NRXN1: variants seen among roughly 807,000 people sequenced by gnomAD.
NRXN1 encodes neurexin-1.
A neutral mutation model predicts 150.9 loss-of-function variants in NRXN1; 39 were observed. That is an observed-to-expected ratio of 0.26 (90% CI 0.20 to 0.34). The LOEUF (loss-of-function observed/expected upper bound fraction) is 0.34. NRXN1 is among the 10% of genes least tolerant of loss of function. The probability of loss-of-function intolerance (pLI) is 1.00; values close to 1 mark genes in which losing one functional copy is unlikely to be tolerated. For missense variants in NRXN1, 1,815 were observed against 1,949.9 expected (o/e 0.93, Z 1.30); for synonymous variants, 924 against 757.0 (o/e 1.22, Z -3.62).
At chr2:50,839,741 T>C (rs1672610903) in intron 5 of NRXN1, among the ~76,000 whole-genome samples, 1 of 152,132 alleles carries the variant, frequency 6.6e-6, no homozygotes, top group South Asian at 2.1e-4. Flanking sequence ...TGCTTGTCAT[T>C]ATTGAGCTTA....
chr2:50,365,084 G>A (rs140551753), intron 17 of NRXN1, among the ~76,000 whole-genome samples: 48 of 152,120 alleles, frequency 3.2e-4, no homozygotes, highest in African/African-American at 1.2e-3. Context: ...GCTTAACAGG[G>A]AAGAATTTGA....
chr2:49,964,498 T>G (rs770042096), intron 21 of NRXN1, among the ~76,000 whole-genome samples: 1 of 151,834 alleles, frequency 6.6e-6, no homozygotes, highest in Non-Finnish European at 1.5e-5. Context: ...GAAAATTGCT[T>G]GAACTAGGGA....
intron 21 of NRXN1, among the ~76,000 whole-genome samples, chr2:49,977,647 A>G (rs371883216): frequency 9.8e-5 from 15 of 152,332 alleles, no homozygotes; most frequent in East Asian, 5.8e-4. Flanking sequence ...GCAAGTGAGG[A>G]TGAAGAGATG....
chr2:50,317,330 A>C (rs2075690378), intron 17 of NRXN1, among the ~76,000 whole-genome samples: 1 of 151,936 alleles, frequency 6.6e-6, no homozygotes, highest in Admixed American at 6.6e-5. Context: ...CATGAGCAAG[A>C]AATAATTGAA....
intron 15 of NRXN1, among the ~76,000 whole-genome samples, chr2:50,482,587 A>T (rs905734998): frequency 1.3e-5 from 2 of 152,132 alleles, no homozygotes; most frequent in Non-Finnish European, 2.9e-5. Context: ...GCTGTACCTT[A>T]CACATGCATA....
At chr2:50,249,927 C>A (rs986356312) in intron 17 of NRXN1, among the ~76,000 whole-genome samples, 1 of 152,074 alleles carries the variant, frequency 6.6e-6, no homozygotes, top group South Asian at 2.1e-4. Flanking sequence ...CGTGAGCCAC[C>A]GTGCCTGGCC....
chr2:50,215,713 T>C (rs1381998844), intron 18 of NRXN1, among the ~76,000 whole-genome samples: 2 of 151,996 alleles, frequency 1.3e-5, no homozygotes, highest in Non-Finnish European at 2.9e-5. Flanking sequence ...TAAGACATCA[T>C]GATATTAATA....
At chr2:50,459,938 C>T (rs1190585230) in intron 17 of NRXN1, among the ~76,000 whole-genome samples, 1 of 151,984 alleles carries the variant, frequency 6.6e-6, no homozygotes, top group Non-Finnish European at 1.5e-5. Flanking sequence ...TGTTGTGTTG[C>T]TACAGATGGA....
chr2:50,730,677 T>TC (rs1697985564), intron 5 of NRXN1, among the ~76,000 whole-genome samples: 1 of 144,846 alleles, frequency 6.9e-6, no homozygotes, highest in African/African-American at 2.5e-5. Context: ...GTTTTCTTTT[T>TC]TTTTTTTTTT....
chr2:50,910,317 A>G (rs1211958420), intron 5 of NRXN1, among the ~76,000 whole-genome samples: 2 of 151,954 alleles, frequency 1.3e-5, no homozygotes, highest in African/African-American at 4.8e-5. Flanking sequence ...TGCATTCACT[A>G]TTCACTAGAA....
chr2:50,687,500 T>C (rs1044422898), intron 5 of NRXN1, among the ~76,000 whole-genome samples: 24 of 152,206 alleles, frequency 1.6e-4, no homozygotes, highest in Admixed American at 1.0e-3. Context: ...GCTGTCACTT[T>C]GGCTGTCACT....
intron 5 of NRXN1, among the ~76,000 whole-genome samples, chr2:50,647,236 A>T (rs1402762629): frequency 6.6e-6 from 1 of 151,890 alleles, no homozygotes; most frequent in Non-Finnish European, 1.5e-5. Context: ...GGGAAAATAT[A>T]AATTATTTTA....
chr2:50,920,316 AAAGTT>A (rs201631147), intron 5 of NRXN1, among the ~76,000 whole-genome samples: 30 of 151,926 alleles, frequency 2.0e-4, no homozygotes, highest in East Asian at 9.7e-4. Context: ...AAAACTAAAT[AAAGTT>A]AAGTGACACT....
At chr2:50,116,335 C>A (rs905897249) in intron 18 of NRXN1, among the ~76,000 whole-genome samples, 5 of 151,990 alleles carry the variant, frequency 3.3e-5, no homozygotes, top group African/African-American at 1.2e-4. Context: ...AGAGATACAA[C>A]CTGAAGTGTT....
chr2:50,251,603 G>T (rs552489701), intron 17 of NRXN1, among the ~76,000 whole-genome samples: 1 of 152,168 alleles, frequency 6.6e-6, no homozygotes, highest in Admixed American at 6.5e-5. Flanking sequence ...TGAGGAATTG[G>T]CACACTGTCT....
intron 5 of NRXN1, among the ~76,000 whole-genome samples, chr2:50,858,793 A>G (rs1248232674): frequency 6.6e-6 from 1 of 152,140 alleles, no homozygotes; most frequent in African/African-American, 2.4e-5. Flanking sequence ...ATATTTCTAT[A>G]TAAAATTGCA....
At chr2:50,913,192 T>C (rs1471744178) in intron 5 of NRXN1, among the ~76,000 whole-genome samples, 1 of 151,810 alleles carries the variant, frequency 6.6e-6, no homozygotes, top group Non-Finnish European at 1.5e-5. Flanking sequence ...TCAAACATTA[T>C]CTGTTCACTG....
At chr2:50,826,497 G>A (rs1274301399) in intron 5 of NRXN1, among the ~76,000 whole-genome samples, 1 of 152,014 alleles carries the variant, frequency 6.6e-6, no homozygotes, top group African/African-American at 2.4e-5. Flanking sequence ...GATGATGGTG[G>A]CCTGACTAAT....
At chr2:50,023,682 G>A (rs996140685) in intron 21 of NRXN1, 2 of 152,054 alleles carry the variant, frequency 1.3e-5, no homozygotes, top group African/African-American at 2.4e-5. Context: ...TCACTTCGGG[G>A]CCGAATATGT....
Sources: allele counts gnomAD v4.1 joint callset (sites outside exome capture counted in the v4.1 genomes callset), GRCh38; gene constraint gnomAD v4.1.1; transcripts MANE v1.5; gene names NCBI Gene and HGNC (gene_info 2026-07-23, HGNC 2026-07-21).